Variants in DAB1 observed in about 807,000 individuals in gnomAD.
DAB1 encodes the protein disabled homolog 1.
Under a neutral mutation model 64.6 loss-of-function variants are expected in DAB1, and 15 were observed. The ratio of observed to expected loss-of-function variants is 0.23; its 90% CI spans 0.16 to 0.36. The LOEUF is 0.36. DAB1 is among the 10% of genes least tolerant of loss of function. DAB1 has a pLI of 1.00. For missense variants in DAB1, 596 were observed against 706.7 expected (o/e 0.84, Z 1.78); for synonymous variants, 235 against 251.9 (o/e 0.93, Z 0.64).
At chr1:57,318,731 CAAAAAAA>C (rs10522783) in intron 1 of DAB1, among the ~76,000 whole-genome samples, 5 of 116,948 alleles carry the variant, frequency 4.3e-5, no homozygotes, top group Admixed American at 8.8e-5. Flanking sequence ...CGGTAATTTG[CAAAAAAA>C]AAAAAAAAAA....
intron 5 of DAB1, among the ~76,000 whole-genome samples, chr1:58,045,945 T>G (rs1647237698): frequency 6.6e-6 from 1 of 151,998 alleles, no homozygotes; most frequent in East Asian, 1.9e-4. Context: ...ATTTTTTTTT[T>G]TTTTTTTTGG....
At chr1:57,486,196 C>T (rs1050065384) in intron 7 of DAB1, among the ~76,000 whole-genome samples, 1 of 152,192 alleles carries the variant, frequency 6.6e-6, no homozygotes, top group African/African-American at 2.4e-5. Context: ...GTGCAATTTA[C>T]AAACATTTGA....
At chr1:57,748,100 G>A (rs1479203223) in intron 6 of DAB1, among the ~76,000 whole-genome samples, 1 of 152,184 alleles carries the variant, frequency 6.6e-6, no homozygotes, top group African/African-American at 2.4e-5. Flanking sequence ...AGACACTTGA[G>A]AAGAGGCATA....
chr1:57,074,711 A>G (rs1651824399), intron 4 of DAB1, among the ~76,000 whole-genome samples: 1 of 152,160 alleles, frequency 6.6e-6, no homozygotes, highest in Non-Finnish European at 1.5e-5. Flanking sequence ...ACTGGATATC[A>G]TGCTTAAATG....
intron 6 of DAB1, among the ~76,000 whole-genome samples, chr1:57,744,298 G>T (rs372485313): frequency 1.3e-5 from 2 of 152,290 alleles, no homozygotes; most frequent in East Asian, 3.9e-4. Context: ...AGAGAACCAC[G>T]TAGTAGTTAT....
chr1:57,718,071 G>T (rs1647106016), intron 6 of DAB1, among the ~76,000 whole-genome samples: 1 of 151,952 alleles, frequency 6.6e-6, no homozygotes, highest in African/African-American at 2.4e-5. Flanking sequence ...TGGACTTCAG[G>T]TTCTTGTGTT....
intron 5 of DAB1, among the ~76,000 whole-genome samples, chr1:57,903,698 C>G (rs559613272): frequency 1.3e-5 from 2 of 152,206 alleles, no homozygotes; most frequent in Non-Finnish European, 2.9e-5. Flanking sequence ...GATGATGTCA[C>G]GTCTCCCTCA....
At chr1:57,465,939 A>G (rs950072961) in intron 7 of DAB1, among the ~76,000 whole-genome samples, 4 of 152,194 alleles carry the variant, frequency 2.6e-5, no homozygotes, top group African/African-American at 9.6e-5. Flanking sequence ...TCAATGTTTT[A>G]TATGCCAGCT....
intron 4 of DAB1, among the ~76,000 whole-genome samples, chr1:58,321,563 C>T (rs535635342): frequency 1.7e-4 from 26 of 152,362 alleles, no homozygotes; most frequent in Admixed American, 1.7e-3. Context: ...TGCCCAAATA[C>T]TGTGCTTTTC....
intron 5 of DAB1, among the ~76,000 whole-genome samples, chr1:57,972,148 G>C (rs1256797109): frequency 2.0e-5 from 3 of 152,144 alleles, no homozygotes; most frequent in African/African-American, 7.2e-5. Context: ...TTTTGTTAAT[G>C]TGTCATTCTC....
chr1:58,058,691 T>C (rs954200725), intron 5 of DAB1, among the ~76,000 whole-genome samples: 3 of 152,160 alleles, frequency 2.0e-5, no homozygotes, highest in Non-Finnish European at 4.4e-5. Flanking sequence ...ATAAGCAAAA[T>C]CTCATCACAG....
chr1:58,215,124 C>G (rs1416344), intron 4 of DAB1, among the ~76,000 whole-genome samples: 2 of 152,010 alleles, frequency 1.3e-5, no homozygotes, highest in South Asian at 4.1e-4. Context: ...CTTCTTTGAC[C>G]CCCTCTTCTA....
intron 3 of DAB1, among the ~76,000 whole-genome samples, chr1:58,460,651 C>T (rs1645235015): frequency 6.6e-6 from 1 of 151,970 alleles, no homozygotes; most frequent in African/African-American, 2.4e-5. Context: ...AAAGAGGGTC[C>T]CTTCCCACGC....
chr1:58,141,919 T>C (rs17117004), intron 5 of DAB1, among the ~76,000 whole-genome samples: 2,519 of 152,292 alleles, frequency 0.017, 66 homozygotes, highest in South Asian at 0.1. Context: ...CCTGACCAAC[T>C]TTCTTGCTTG....
At chr1:58,176,706 G>A (rs897488970) in intron 4 of DAB1, among the ~76,000 whole-genome samples, 7 of 152,108 alleles carry the variant, frequency 4.6e-5, no homozygotes, top group African/African-American at 1.2e-4. Context: ...CCAGCCGGGC[G>A]CGGTGGCTCA....
chr1:57,087,274 C>T (rs560109221), intron 4 of DAB1, among the ~76,000 whole-genome samples: 4 of 152,336 alleles, frequency 2.6e-5, no homozygotes, highest in Admixed American at 2.0e-4. Context: ...TGTAATAGGG[C>T]ATGGCAAGTT....
chr1:57,118,578 C>A (rs939057517), intron 4 of DAB1, among the ~76,000 whole-genome samples: 1 of 152,152 alleles, frequency 6.6e-6, no homozygotes, highest in Non-Finnish European at 1.5e-5. Context: ...ATGTAGCAGG[C>A]AGGCAGAAGT....
At chr1:58,195,412 C>G (rs1210847900) in intron 4 of DAB1, among the ~76,000 whole-genome samples, 2 of 151,868 alleles carry the variant, frequency 1.3e-5, no homozygotes, top group African/African-American at 4.8e-5. Flanking sequence ...GGCACAAAGA[C>G]AAAGTGACAC....
chr1:57,568,072 A>G (rs1029382580), intron 7 of DAB1, among the ~76,000 whole-genome samples: 1 of 152,200 alleles, frequency 6.6e-6, no homozygotes, highest in Non-Finnish European at 1.5e-5. Context: ...TGGTACCAAA[A>G]CAGAGATATA....
Sources: allele counts gnomAD v4.1 joint callset (sites outside exome capture counted in the v4.1 genomes callset), GRCh38; gene constraint gnomAD v4.1.1; transcripts MANE v1.5; gene names NCBI Gene and HGNC (gene_info 2026-07-23, HGNC 2026-07-21).